Variants in PAK5 observed in about 807,000 individuals in gnomAD.
PAK5 encodes p21 (RAC1) activated kinase 5.
A neutral mutation model predicts 65.9 loss-of-function variants in PAK5; 16 were observed. That is an observed-to-expected ratio of 0.24 (90% confidence interval 0.16 to 0.37). The LOEUF (loss-of-function observed/expected upper bound fraction) is 0.37. Ranked by LOEUF, PAK5 falls within the 10% of genes least tolerant of loss-of-function variation. The probability of loss-of-function intolerance (pLI) is 1.00; values close to 1 mark genes in which losing one functional copy is unlikely to be tolerated. For synonymous variants in PAK5, 371 were observed against 354.9 expected (o/e 1.05, Z -0.51); for missense variants, 785 against 903.9 (o/e 0.87, Z 1.69).
intron 3 of PAK5, among the ~76,000 whole-genome samples, chr20:9,618,879 T>C (rs991136657): frequency 5.6e-5 from 8 of 142,978 alleles, no homozygotes; most frequent in African/African-American, 2.0e-4. Flanking sequence ...AGGTAGAAAG[T>C]GGCTTCTCTC....
Position 9,605,014 on chromosome 20 carries a change from G to A in PAK5, c.205-24084C>T, listed in dbSNP as rs186224877. The stretch of plus-strand genomic sequence containing the variant: ...ACTTTAGTGCAGGTTCTTTATTTGT[G>A]AGGAGATTCCAGAAAGCCACATGAC... On this transcript the variant is annotated intron_variant, in intron 3 of 9. Transcript: ENST00000353224. 1.8e-4 allele frequency among the ~76,000 whole-genome samples: 27 copies of A among 152,314 alleles called. No homozygotes were observed. In the East Asian group the frequency reaches 5.2e-3, roughly 29 times the overall value.
chr20:9,758,616 T>C (rs1239171347), intron 1 of PAK5, among the ~76,000 whole-genome samples: 1 of 152,172 alleles, frequency 6.6e-6, no homozygotes, highest in African/African-American at 2.4e-5. Flanking sequence ...ATTGCATTGG[T>C]AGCTTGAAAT....
chr20:9,837,197 T>C lies in PAK5; in HGVS notation c.-162+1565A>G, dbSNP rs141559788. Among the ~76,000 whole-genome samples the C allele has an allele frequency of 3.9e-3, 601 of 152,372 alleles. 1 individual carries two copies. Among genetic ancestry groups the C allele is most frequent in the African/African-American group, 0.014 (573 of 41,592 alleles). ...TACCAAGGAACTTGCCATTGGCTTA[T>C]ATTGCTTCCATTTAGCAGTGCATCT... On this transcript the variant is annotated intron_variant, in intron 1 of 9. Transcript: ENST00000353224.
intron 3 of PAK5, among the ~76,000 whole-genome samples, chr20:9,592,022 C>T (rs2046180970): frequency 6.6e-6 from 1 of 152,208 alleles, no homozygotes; most frequent in Admixed American, 6.5e-5. Flanking sequence ...ATTGACTGTT[C>T]TTAGATGCCA....
intron 1 of PAK5, among the ~76,000 whole-genome samples, chr20:9,755,592 C>T (rs1600331696): frequency 1.3e-5 from 2 of 152,156 alleles, no homozygotes; most frequent in African/African-American, 4.8e-5. Context: ...GAGGTGTGAG[C>T]TGCCCTTAAA....
intron 3 of PAK5, among the ~76,000 whole-genome samples, chr20:9,635,608 C>T (rs1313448954): frequency 6.6e-6 from 1 of 152,170 alleles, no homozygotes; most frequent in Non-Finnish European, 1.5e-5. Context: ...CTTCTCCTGG[C>T]TCCATTGTTA....
chr20:9,546,306 C>T (rs1395463488), intron 7 of PAK5, among the ~76,000 whole-genome samples: 3 of 152,214 alleles, frequency 2.0e-5, no homozygotes, highest in Non-Finnish European at 4.4e-5. Context: ...TGATGCATTT[C>T]AAACTGAATT....
chr20:9,722,144 G>A (rs902798473), intron 1 of PAK5, among the ~76,000 whole-genome samples: 6 of 152,158 alleles, frequency 3.9e-5, no homozygotes, highest in Non-Finnish European at 7.3e-5. Flanking sequence ...AACTGAGTGA[G>A]TGAGTGAGTG....
At chr20:9,785,219 T>C (rs1246183491) in intron 1 of PAK5, among the ~76,000 whole-genome samples, 16 of 152,306 alleles carry the variant, frequency 1.1e-4, no homozygotes, top group Non-Finnish European at 1.5e-5. Context: ...ATTCCATAGT[T>C]ATCATGCAGA....
intron 3 of PAK5, among the ~76,000 whole-genome samples, chr20:9,621,960 G>T (rs1357608352): frequency 6.6e-6 from 1 of 152,174 alleles, no homozygotes; most frequent in African/African-American, 2.4e-5. Context: ...ATATTCTTCA[G>T]CACTCTCCTG....
At chr20:9,595,317 C>T (rs539284978) in intron 3 of PAK5, among the ~76,000 whole-genome samples, 15 of 152,178 alleles carry the variant, frequency 9.9e-5, no homozygotes, top group South Asian at 2.1e-4. Context: ...AATGATGGAG[C>T]GTATTTATCC....
Position 9,580,382 on chromosome 20 carries a change from C to T in PAK5, c.753G>A (p.Ala251=), listed in dbSNP as rs780571800. Reference sequence around the variant, plus strand: ...TGGGTCCCCATTCACTTTCACTGTACGCCAGGCTCTCCTTGGAGCACCCGC... The same window carrying T: ...TGGGTCCCCATTCACTTTCACTGTATGCCAGGCTCTCCTTGGAGCACCCGC... ...GTSGCSKESL[A]YSESEWGPSL... is the part of the protein sequence containing the mutation. Residue 251 remains alanine, a synonymous_variant, in exon 4 of 10, where the codon GCG becomes GCA. Transcript: ENST00000353224. The T allele has an allele frequency of 1.8e-5, 29 of 1,613,988 alleles. No homozygotes were observed. The highest frequency in any genetic ancestry group is 1.0e-4 in the Admixed American group (6 of 60,006).
intron 1 of PAK5, among the ~76,000 whole-genome samples, chr20:9,730,945 T>C (rs1385415443): frequency 6.6e-6 from 1 of 152,180 alleles, no homozygotes; most frequent in Non-Finnish European, 1.5e-5. Flanking sequence ...ATTCCTGTGC[T>C]GCCATATTCA....
At chr20:9,732,295 C>T (rs565041668) in intron 1 of PAK5, among the ~76,000 whole-genome samples, 2 of 152,268 alleles carry the variant, frequency 1.3e-5, no homozygotes, top group South Asian at 4.1e-4. Flanking sequence ...TTAAAGTGTG[C>T]TTTCTAGGGT....
At chr20:9,619,453 T>C (rs140293596) in intron 3 of PAK5, among the ~76,000 whole-genome samples, 10 of 152,318 alleles carry the variant, frequency 6.6e-5, no homozygotes, top group African/African-American at 2.4e-4. Flanking sequence ...CACTGCCCAA[T>C]ACTCTCATTT....
chr20:9,614,577 CA>C (rs1249008428), intron 3 of PAK5, among the ~76,000 whole-genome samples: 1 of 152,046 alleles, frequency 6.6e-6, no homozygotes, highest in East Asian at 1.9e-4. Flanking sequence ...CAAAAGATGC[CA>C]AAGGTGAAAA....
chr20:9,567,413 G>A (rs2045701196), intron 4 of PAK5, among the ~76,000 whole-genome samples: 1 of 152,092 alleles, frequency 6.6e-6, no homozygotes, highest in South Asian at 2.1e-4. Context: ...TAATATAGTA[G>A]CTACAAGCTA....
At chr20:9,831,228 T>C (rs1978690313) in intron 1 of PAK5, among the ~76,000 whole-genome samples, 2 of 152,244 alleles carry the variant, frequency 1.3e-5, no homozygotes, top group Non-Finnish European at 2.9e-5. Context: ...TGTGCGCGCG[T>C]GCGTGTGTTT....
intron 1 of PAK5, among the ~76,000 whole-genome samples, chr20:9,765,410 T>C (rs1192083216): frequency 6.6e-6 from 1 of 152,186 alleles, no homozygotes; most frequent in Non-Finnish European, 1.5e-5. Context: ...TGATTGCCTA[T>C]GGAACAACAT....
Sources: allele counts gnomAD v4.1 joint callset (sites outside exome capture counted in the v4.1 genomes callset), GRCh38; gene constraint gnomAD v4.1.1; transcripts MANE v1.5; gene names NCBI Gene and HGNC (gene_info 2026-07-23, HGNC 2026-07-21).